FGD6: variants seen among roughly 807,000 people sequenced by gnomAD.
The protein encoded by FGD6 is FYVE, RhoGEF and PH domain containing 6, also known as FYVE, RhoGEF and PH domain-containing protein 6.
In FGD6, 90 loss-of-function variants were observed where a neutral mutation model predicts 149.4. The ratio of observed to expected loss-of-function variants is 0.60; its 90% CI spans 0.51 to 0.72. The LOEUF is 0.72. Ranked by LOEUF, FGD6 falls within the 30% of genes least tolerant of loss-of-function variation. The pLI is 0.00. For synonymous variants in FGD6, 527 were observed against 584.0 expected, an observed-to-expected ratio of 0.90 and a Z score of 1.41; for missense variants, 1,437 against 1,684.8, an observed-to-expected ratio of 0.85 and a Z score of 2.57.
At position 95,217,347 on chromosome 12, in the gene FGD6, C is replaced by A; in HGVS notation, c.-107G>T. 1 of 1,397,270 alleles carries A rather than the reference C, an allele frequency of 7.2e-7. No homozygotes were observed. The highest frequency in any genetic ancestry group is 9.5e-7 in the Non-Finnish European group (1 of 1,056,456). 86.6% of individuals were successfully genotyped at this position (1,397,270 alleles called of 1,614,324 possible). A position where few individuals can be genotyped will look rare whatever the true frequency, so the allele number is the denominator to read the frequency against. On this transcript the variant is annotated 5_prime_UTR_variant, in exon 1 of 21. Coordinates refer to ENST00000343958, the MANE Select transcript of FGD6 (RefSeq NM_018351.4). Reference sequence around the variant, plus strand: ...AGGAGAGAAAAGCCCCCGCAGCGCCCACATTCCGTCCCGCCGCCCCGCGGC... The same window carrying A: ...AGGAGAGAAAAGCCCCCGCAGCGCCAACATTCCGTCCCGCCGCCCCGCGGC...
chr12:95,123,347 A>T (rs766716338), intron 8 of FGD6, among the ~76,000 whole-genome samples: 50 of 152,054 alleles, frequency 3.3e-4, no homozygotes, highest in Non-Finnish European at 5.9e-4. Context: ...TATGTAAGGA[A>T]GCCCTGATCT....
chr12:95,201,250 G>C (rs2056660957), intron 2 of FGD6, among the ~76,000 whole-genome samples: 1 of 152,128 alleles, frequency 6.6e-6, no homozygotes, highest in Non-Finnish European at 1.5e-5. Flanking sequence ...TGGAAGATCA[G>C]GGAGATAAAA....
intron 8 of FGD6, among the ~76,000 whole-genome samples, chr12:95,116,498 G>A (rs1182023639): frequency 6.6e-6 from 1 of 152,120 alleles, no homozygotes; most frequent in Non-Finnish European, 1.5e-5. Flanking sequence ...CCCAGAAGAT[G>A]TCCATATTAG....
chr12:95,105,511 T>C (rs945950128), intron 13 of FGD6, among the ~76,000 whole-genome samples: 2 of 152,236 alleles, frequency 1.3e-5, no homozygotes, highest in Admixed American at 1.3e-4. Context: ...TATAGTGATA[T>C]TTATTACTGT....
chr12:95,091,767 A>C lies in FGD6; in HGVS notation c.3790T>G (p.Tyr1264Asp). 6.2e-7 allele frequency: 1 copy of C among 1,613,556 alleles called. No homozygotes were observed. Among genetic ancestry groups the C allele is most frequent in the Non-Finnish European group, 8.5e-7 (1 of 1,179,870 alleles). Reference sequence around the variant, plus strand: ...ACTCTTGCTGGTTGATTTTTCAGGTAATCTAAGCCATACTTATTAGACGAA... The same window carrying C: ...ACTCTTGCTGGTTGATTTTTCAGGTCATCTAAGCCATACTTATTAGACGAA... ...ACSSNKYGLD[Y>D]LKNQPARVCE... The change falls in exon 17 of 21, where the codon TAC becomes GAC. Residue 1264 changes from tyrosine to aspartate, a missense_variant. Tyr to Asp is a radical substitution (Grantham distance 160, BLOSUM62 -3). Coordinates refer to ENST00000343958, the MANE Select transcript of FGD6 (RefSeq NM_018351.4).
rs1877609427 is a variant in FGD6 at position 95,079,706 on chromosome 12, T to G, written c.*1814A>C. 1 of 152,088 alleles carries G rather than the reference T, an allele frequency of 6.6e-6. No individual in the cohort carries two copies. Among genetic ancestry groups the G allele is most frequent in the Non-Finnish European group, 1.5e-5 (1 of 68,016 alleles). The allele number at this position is 152,088 out of a possible 1,614,324, so 9.4% of individuals were successfully genotyped here. On this transcript the variant is annotated 3_prime_UTR_variant, in exon 21 of 21. Transcript: ENST00000343958. Reference sequence around the variant, plus strand: ...GGGGATGGCATGTTAGGATTGTGTATGAGGTTCAAATGACTCCATGGCAAA... The same window carrying G: ...GGGGATGGCATGTTAGGATTGTGTAGGAGGTTCAAATGACTCCATGGCAAA...
chr12:95,169,733 C>T (rs773950023), intron 3 of FGD6, among the ~76,000 whole-genome samples: 14 of 152,094 alleles, frequency 9.2e-5, no homozygotes, highest in Admixed American at 4.6e-4. Context: ...ACAACTAGAC[C>T]AAAACAATAG....
At chr12:95,091,830 T>C (rs1238760992) in intron 16 of FGD6, 21 bp from the exon 17 acceptor site, 1 of 1,530,756 alleles carries the variant, frequency 6.5e-7, no homozygotes, top group Non-Finnish European at 9.0e-7. Flanking sequence ...ATTGGAATTA[T>C]GTCATTAATT....
At chr12:95,132,701 G>A (rs992119216) in intron 8 of FGD6, among the ~76,000 whole-genome samples, 2 of 152,114 alleles carry the variant, frequency 1.3e-5, no homozygotes, top group Non-Finnish European at 2.9e-5. Context: ...GCAGTGAGCT[G>A]AGATTGCACC....
intron 14 of FGD6, chr12:95,100,746 G>T (rs1001477486): frequency 7.9e-6 from 4 of 507,786 alleles, no homozygotes; most frequent in South Asian, 6.0e-5. Flanking sequence ...ATCTTGCCTG[G>T]AGCAAGGATA....
At chr12:95,131,108 GTTTT>G (rs59897965) in intron 8 of FGD6, among the ~76,000 whole-genome samples, 3 of 128,348 alleles carry the variant, frequency 2.3e-5, no homozygotes, top group Non-Finnish European at 3.3e-5. Flanking sequence ...TGGCTAAAGA[GTTTT>G]TTTTTTTTTT....
chr12:95,178,045 AT>A (rs1881183099), intron 2 of FGD6, among the ~76,000 whole-genome samples: 1 of 151,950 alleles, frequency 6.6e-6, no homozygotes, highest in Admixed American at 6.6e-5. Flanking sequence ...GGATGACAGC[AT>A]GAGCCACCGT....
intron 7 of FGD6, among the ~76,000 whole-genome samples, chr12:95,136,107 C>A (rs914837902): frequency 1.3e-5 from 2 of 152,124 alleles, no homozygotes; most frequent in Non-Finnish European, 2.9e-5. Flanking sequence ...CTCTTGTAAT[C>A]CCAGCACTTT....
chr12:95,084,267 A>G (rs1877787768), intron 20 of FGD6, among the ~76,000 whole-genome samples: 1 of 152,160 alleles, frequency 6.6e-6, no homozygotes, highest in Admixed American at 6.6e-5. Context: ...AATACTTTGT[A>G]TAGGACTACC....
chr12:95,200,822 C>T (rs184177886), intron 2 of FGD6, among the ~76,000 whole-genome samples: 7 of 152,174 alleles, frequency 4.6e-5, no homozygotes, highest in Admixed American at 2.6e-4. Context: ...GCTAAGCCAC[C>T]GAAGTAGTTT....
chr12:95,131,276 T>C (rs528210282), intron 8 of FGD6, among the ~76,000 whole-genome samples: 1 of 152,092 alleles, frequency 6.6e-6, no homozygotes, highest in South Asian at 2.1e-4. Context: ...GCCTGGCTGA[T>C]TTTTGTATTT....
intron 8 of FGD6, among the ~76,000 whole-genome samples, chr12:95,120,317 ATAAT>A (rs1173304757): frequency 6.6e-6 from 1 of 151,668 alleles, no homozygotes; most frequent in Non-Finnish European, 1.5e-5. Context: ...ATCAGGGAGA[ATAAT>A]TTATTTATTT....
At position 95,186,225 on chromosome 12, in the gene FGD6, CTTCTTTTTTTTTTTTTTTT is replaced by C. The variant is rs1321129099; in HGVS notation, c.2442-13500_2442-13482del. ...AGCTAAGAATGCTTCTTATATTCTT[CTTCTTTTTTTTTTTTTTTT>C]TTTTTTTTTTTTTTTTTTTTTTGAG... On this transcript the variant is annotated intron_variant, in intron 2 of 20. Transcript: ENST00000343958. Among the ~76,000 whole-genome samples, 33 of 71,180 alleles carry C rather than the reference CTTCTTTTTTTTTTTTTTTT, an allele frequency of 4.6e-4. 7 individuals carry two copies. The highest frequency in any genetic ancestry group is 2.4e-3 in the East Asian group (5 of 2,076). 46.7% of individuals were successfully genotyped at this position (71,180 alleles called of 152,430 possible). A position where few individuals can be genotyped will look rare whatever the true frequency, so the allele number is the denominator to read the frequency against.
At chr12:95,110,200 TCTC>T (rs1169547717) in intron 9 of FGD6, among the ~76,000 whole-genome samples, 1 of 151,902 alleles carries the variant, frequency 6.6e-6, no homozygotes, top group Non-Finnish European at 1.5e-5. Context: ...ATGGTCTTGA[TCTC>T]CTGACCTCGT....
Sources: gnomAD v4.1 joint callset for allele counts (sites outside exome capture counted in the v4.1 genomes callset) on GRCh38, gnomAD v4.1.1 for gene constraint, MANE v1.5 for transcripts, NCBI Gene and HGNC (gene_info 2026-07-23, HGNC 2026-07-21) for gene names.